The following EGF variants were observed in gnomAD, a reference collection of about 807,000 sequenced individuals.
The protein encoded by EGF is pro-epidermal growth factor.
EGF carries 95 observed loss-of-function variants against 143.8 expected under a neutral mutation model. The ratio of observed to expected loss-of-function variants is 0.66; its 90% CI spans 0.56 to 0.78. The LOEUF (loss-of-function observed/expected upper bound fraction) is 0.78, where lower values mean the gene tolerates loss of function less well. EGF is among the 30% of genes least tolerant of loss of function. EGF has a pLI of 0.00. For missense variants in EGF, 1,320 were observed against 1,470.9 expected, an observed-to-expected ratio of 0.90 and a Z score of 1.68; for synonymous variants, 510 against 510.5, an observed-to-expected ratio of 1.00 and a Z score of 0.01.
At chr4:109,994,586 A>G (rs1751505090) in intron 19 of EGF, 147 bp from the exon 20 acceptor site, 1 of 942,606 alleles carries the variant, frequency 1.1e-6, no homozygotes, top group Middle Eastern at 3.0e-4. Flanking sequence ...TCTAGCTAGG[A>G]AAGTGAAACT....
In EGF at chr4:110,011,188, T is replaced by C; in HGVS notation, c.3371-14T>C. ...ATGATATGAATATTGAAATTTCTTTTGTCTTTCATATAGGGTCAATGCAAC... is the reference window on the plus strand; with the variant it reads ...ATGATATGAATATTGAAATTTCTTTCGTCTTTCATATAGGGTCAATGCAAC... On this transcript the variant is annotated splice_polypyrimidine_tract_variant and intron_variant, in intron 23 of 23. Transcript: ENST00000265171. 6.2e-7 allele frequency: 1 copy of C among 1,613,624 alleles called. No homozygotes were observed. Among genetic ancestry groups the C allele is most frequent in the Non-Finnish European group, 8.5e-7 (1 of 1,180,010 alleles).
chr4:109,915,301 CA>C, intron 1 of EGF, among the ~76,000 whole-genome samples: 1 of 152,288 alleles, frequency 6.6e-6, no homozygotes, highest in South Asian at 2.1e-4. Flanking sequence ...TACCCTCGCC[CA>C]CTGCTTTTAG....
In EGF at chr4:110,011,765, G is replaced by A. The variant is rs943601944; in HGVS notation, c.*310G>A. 1.0e-5 allele frequency: 4 copies of A among 391,654 alleles called. No homozygotes were observed. The highest frequency in any genetic ancestry group is 1.9e-5 in the Non-Finnish European group (4 of 210,856). The allele number at this position is 391,654 out of a possible 1,614,324, so 24.3% of individuals were successfully genotyped here. On this transcript the variant is annotated 3_prime_UTR_variant, in exon 24 of 24. Coordinates refer to ENST00000265171, the MANE Select transcript of EGF (RefSeq NM_001963.6). ...TCAATACAAATAGATTTTTGTTTTTGTTGTTCCTGCAGCCCCAGAAGAAAT... is the reference window on the plus strand; with the variant it reads ...TCAATACAAATAGATTTTTGTTTTTATTGTTCCTGCAGCCCCAGAAGAAAT...
At chr4:109,993,467 C>A in intron 19 of EGF, 98 bp downstream of exon 19, 2 of 1,539,500 alleles carry the variant, frequency 1.3e-6, no homozygotes, top group South Asian at 1.2e-5. Flanking sequence ...AAAAATCATT[C>A]AGTTCAGGCA....
At chr4:109,995,565 C>A (rs778645833) in intron 20 of EGF, among the ~76,000 whole-genome samples, 1 of 152,146 alleles carries the variant, frequency 6.6e-6, no homozygotes, top group Non-Finnish European at 1.5e-5. Flanking sequence ...TTCCTGTGGA[C>A]CCTTTAACAA....
At chr4:109,961,767 G>C in intron 7 of EGF, 96 bp from the exon 8 acceptor site, 1 of 1,540,318 alleles carries the variant, frequency 6.5e-7, no homozygotes, top group Non-Finnish European at 8.9e-7. Context: ...GGGAGGTCAA[G>C]GCAGGAGGAT....
chr4:109,967,027 G>A (rs1044759738), intron 10 of EGF, among the ~76,000 whole-genome samples: 26 of 152,080 alleles, frequency 1.7e-4, no homozygotes, highest in Admixed American at 1.4e-3. Context: ...CTTTTGCTGT[G>A]CAGAAGCTTT....
chr4:109,981,587 A>G lies in EGF; in HGVS notation c.2371+612A>G, dbSNP rs532554197. Reference sequence around the variant, plus strand: ...GGCATCTGTGGATTCATCCCTTGATATCTTTCTAGCAGAAATATACCAAAG... The same window carrying G: ...GGCATCTGTGGATTCATCCCTTGATGTCTTTCTAGCAGAAATATACCAAAG... On this transcript the variant is annotated intron_variant, in intron 15 of 23. Transcript: ENST00000265171. Among the ~76,000 whole-genome samples the G allele has an allele frequency of 3.9e-5, 6 of 152,356 alleles. No individual in the cohort carries two copies. The East Asian group carries it at 1.2e-3, about 29-fold the overall frequency.
intron 11 of EGF, among the ~76,000 whole-genome samples, chr4:109,973,145 C>T (rs9991367): frequency 0.1 from 15,587 of 152,164 alleles, 1,037 homozygotes; most frequent in East Asian, 0.2. Flanking sequence ...AGCTGCTGAT[C>T]GTCCCTTGTT....
intron 10 of EGF, chr4:109,968,697 T>TATCTATCTATCG (rs1747031962): frequency 7.1e-6 from 3 of 423,994 alleles, no homozygotes; most frequent in Admixed American, 3.5e-5. Flanking sequence ...TCTATCTATC[T>TATCTATCTATCG]ATCTATCTAT....
intron 23 of EGF, among the ~76,000 whole-genome samples, chr4:110,009,387 C>G (rs1469106711): frequency 6.6e-6 from 1 of 152,122 alleles, no homozygotes; most frequent in Non-Finnish European, 1.5e-5. Flanking sequence ...TACTACTTTT[C>G]CTTGAGCAGC....
intron 1 of EGF, among the ~76,000 whole-genome samples, 196 bp downstream of exon 1, chr4:109,913,658 A>G (rs1002138837): frequency 1.3e-5 from 2 of 152,242 alleles, no homozygotes; most frequent in Non-Finnish European, 2.9e-5. Context: ...ATAAAACTTC[A>G]TAACTCTCAA....
At chr4:109,945,367 A>T in intron 5 of EGF, 92 bp downstream of exon 5, 2 of 1,326,446 alleles carry the variant, frequency 1.5e-6, no homozygotes, top group Non-Finnish European at 2.1e-6. Context: ...TAGGGGAAAA[A>T]AAATTTTTTT....
intron 18 of EGF, among the ~76,000 whole-genome samples, chr4:109,989,682 C>T (rs1560745565): frequency 1.3e-5 from 2 of 152,160 alleles, no homozygotes; most frequent in South Asian, 4.1e-4. Context: ...TAAGCAGGCC[C>T]ATAGATAATT....
At chr4:109,950,778 C>T (rs1198691733) in intron 5 of EGF, among the ~76,000 whole-genome samples, 1 of 152,226 alleles carries the variant, frequency 6.6e-6, no homozygotes, top group Non-Finnish European at 1.5e-5. Context: ...CTCTGAGAAA[C>T]AGCTCCAACA....
chr4:109,955,765 T>A (rs1292993737), intron 5 of EGF, among the ~76,000 whole-genome samples: 1 of 152,210 alleles, frequency 6.6e-6, no homozygotes, highest in East Asian at 1.9e-4. Flanking sequence ...GTATTAGATG[T>A]TTACTGGATG....
At chr4:109,997,925 A>C (rs1015187078) in intron 20 of EGF, among the ~76,000 whole-genome samples, 4 of 152,232 alleles carry the variant, frequency 2.6e-5, no homozygotes, top group Non-Finnish European at 4.4e-5. Flanking sequence ...AATGTCTCAA[A>C]ATTATTTGGC....
chr4:109,943,762 G>A lies in EGF; in HGVS notation c.510-80G>A, dbSNP rs572677232. 292 of 1,213,454 alleles carry A rather than the reference G, an allele frequency of 2.4e-4. 1 individual carries two copies. In the African/African-American group the frequency reaches 3.9e-3, roughly 16 times the overall value. The allele number at this position is 1,213,454 out of a possible 1,614,324, so 75.2% of individuals were successfully genotyped here. ...ATAGTCAAACTTGCCCTGTGAAGGA[G>A]CTGCTGAAACATTGAGAGAGTTGGC... On this transcript the variant is annotated intron_variant, in intron 3 of 23. Coordinates refer to ENST00000265171, the MANE Select transcript of EGF (RefSeq NM_001963.6).
intron 2 of EGF, among the ~76,000 whole-genome samples, chr4:109,942,147 T>A (rs1183674217): frequency 1.3e-5 from 2 of 152,252 alleles, no homozygotes; most frequent in African/African-American, 4.8e-5. Flanking sequence ...TTCAAACTCT[T>A]GAGTCTAAGA....
Sources: gnomAD v4.1 joint callset for allele counts (sites outside exome capture counted in the v4.1 genomes callset) on GRCh38, gnomAD v4.1.1 for gene constraint, MANE v1.5 for transcripts, NCBI Gene and HGNC (gene_info 2026-07-23, HGNC 2026-07-21) for gene names.